Variants in DOCK4 observed in about 807,000 individuals in gnomAD.
The protein encoded by DOCK4 is dedicator of cytokinesis protein 4.
DOCK4 carries 97 observed loss-of-function variants against 268.1 expected under a neutral mutation model. The ratio of observed to expected loss-of-function variants is 0.36; its 90% CI spans 0.31 to 0.43. The LOEUF (loss-of-function observed/expected upper bound fraction) is 0.43. Ranked by LOEUF, DOCK4 falls within the 20% of genes least tolerant of loss-of-function variation. DOCK4 has a pLI of 1.00. For synonymous variants in DOCK4, 954 were observed against 887.2 expected, an observed-to-expected ratio of 1.08 and a Z score of -1.34; for missense variants, 2,145 against 2,455.7, an observed-to-expected ratio of 0.87 and a Z score of 2.67.
chr7:111,872,591 T>C, intron 17 of DOCK4, 27 bp from the exon 18 acceptor site: 1 of 1,544,726 alleles, frequency 6.5e-7, no homozygotes, highest in African/African-American at 1.4e-5. Flanking sequence ...GGAAGATTAA[T>C]TGCCTTAATA....
At chr7:111,776,682 A>G (rs899812643) in intron 36 of DOCK4, among the ~76,000 whole-genome samples, 2 of 152,236 alleles carry the variant, frequency 1.3e-5, no homozygotes, top group African/African-American at 4.8e-5. Context: ...TACAGATCCA[A>G]GAACCTCAGC....
chr7:111,781,517 A>G (rs919254063), intron 35 of DOCK4, among the ~76,000 whole-genome samples: 2 of 152,206 alleles, frequency 1.3e-5, no homozygotes, highest in African/African-American at 2.4e-5. Context: ...CCTGCAGGTT[A>G]CCGTTGGGTC....
intron 1 of DOCK4, among the ~76,000 whole-genome samples, chr7:112,106,589 G>A (rs745333381): frequency 2.0e-5 from 3 of 152,140 alleles, no homozygotes; most frequent in South Asian, 2.1e-4. Flanking sequence ...TGCATTCCTC[G>A]CCTAGCCAAT....
intron 9 of DOCK4, 87 bp downstream of exon 9, chr7:111,945,630 T>C (rs1795558555): frequency 8.6e-7 from 1 of 1,160,660 alleles, no homozygotes; most frequent in Admixed American, 2.5e-5. Flanking sequence ...AAATTCACTA[T>C]GTTCTCTCAC....
At chr7:111,740,320 G>C (rs546117076) in intron 47 of DOCK4, 46 of 220,640 alleles carry the variant, frequency 2.1e-4, no homozygotes, top group Non-Finnish European at 3.5e-4. Flanking sequence ...GGATGGTCTC[G>C]AACTCCAGAT....
intron 1 of DOCK4, among the ~76,000 whole-genome samples, chr7:112,113,732 TGA>T (rs1491090304): frequency 8.7e-6 from 1 of 115,466 alleles, no homozygotes; most frequent in Admixed American, 9.9e-5. Flanking sequence ...CATACTTGGC[TGA>T]TTTTTTTTTT....
chr7:111,760,690 GT>G (rs1797334458), intron 39 of DOCK4, among the ~76,000 whole-genome samples: 1 of 151,916 alleles, frequency 6.6e-6, no homozygotes, highest in African/African-American at 2.4e-5. Context: ...TCAAATTCAT[GT>G]GGGTAATTTC....
intron 1 of DOCK4, among the ~76,000 whole-genome samples, chr7:112,150,070 T>C (rs780119954): frequency 1.3e-5 from 2 of 152,180 alleles, no homozygotes; most frequent in African/African-American, 2.4e-5. Flanking sequence ...AAAGAAAATA[T>C]AGGCTTAGAG....
At chr7:111,976,161 A>AAAAATATATATATATATATATAT (rs1554400643) in intron 8 of DOCK4, among the ~76,000 whole-genome samples, 2 of 34,014 alleles carry the variant, frequency 5.9e-5, no homozygotes, top group African/African-American at 3.0e-4. Flanking sequence ...AAAAAAAAAA[A>AAAAATATATATATATATATATAT]ATATATATAT....
intron 23 of DOCK4, among the ~76,000 whole-genome samples, chr7:111,852,514 A>C (rs1353237600): frequency 2.0e-5 from 3 of 152,068 alleles, no homozygotes; most frequent in Non-Finnish European, 2.9e-5. Context: ...GAAAAAAAAA[A>C]AAAAACCCTG....
chr7:111,790,585 T>A lies in DOCK4; in HGVS notation c.3187A>T (p.Ile1063Phe), dbSNP rs1351026781. The change falls in exon 31 of 53, where the codon ATC (isoleucine) becomes TTC (phenylalanine). Residue 1063 changes from isoleucine to phenylalanine, a missense_variant. Around this residue, in one of 2 missense-constraint regions of DOCK4, gnomAD observed 1,598 missense variants for 1,986.7 expected, o/e 0.80. Transcript: ENST00000428084. ...AGGAAGGGGCCAATCAGGGCAGGGA[T>A]AAAATGAAGCTTGTGCTCTCCTAAA... ...QNLGEHKLHF[I>F]PALIGPFLEV... The A allele has an allele frequency of 6.2e-7, 1 of 1,613,238 alleles. No homozygotes were observed. Among genetic ancestry groups the A allele is most frequent in the Admixed American group, 1.7e-5 (1 of 59,874 alleles).
chr7:112,116,888 G>A (rs765033932), intron 1 of DOCK4, among the ~76,000 whole-genome samples: 3 of 151,962 alleles, frequency 2.0e-5, no homozygotes, highest in Non-Finnish European at 4.4e-5. Flanking sequence ...CACTGTACCC[G>A]GCCAGTACAG....
chr7:112,094,230 A>AAT (rs141901410), intron 1 of DOCK4, among the ~76,000 whole-genome samples: 2 of 151,820 alleles, frequency 1.3e-5, no homozygotes, highest in African/African-American at 2.4e-5. Flanking sequence ...GAAAAAAAAA[A>AAT]CTACAATGGT....
rs1791171846 is a variant in DOCK4, at chr7:111,901,789, T to G, written c.1205A>C (p.Asn402Thr). 2 of 1,575,282 alleles carry G rather than the reference T, an allele frequency of 1.3e-6. No individual in the cohort carries two copies. The highest frequency in any genetic ancestry group is 1.7e-6 in the Non-Finnish European group (2 of 1,148,816). The change falls in exon 14 of 53, where the codon AAT (asparagine) becomes ACT (threonine). Residue 402 changes from asparagine (N) to threonine (T), a missense_variant. Transcript: ENST00000428084. ...CCTTTCAATAGTGATATATAAATCATTCCTCATTTCACCTATAAGGAAAGG... is the reference window on the plus strand; with the variant it reads ...CCTTTCAATAGTGATATATAAATCAGTCCTCATTTCACCTATAAGGAAAGG... ...SNIIMPGEMRNDLYITIERGE... is the reference protein window; with the variant it reads ...SNIIMPGEMRTDLYITIERGE...
intron 16 of DOCK4, among the ~76,000 whole-genome samples, chr7:111,894,006 G>A (rs1246421880): frequency 1.3e-5 from 2 of 152,084 alleles, no homozygotes; most frequent in East Asian, 1.9e-4. Context: ...GGCGGATCAC[G>A]AGGTCAGGAG....
chr7:111,752,733 C>T (rs1027726098), intron 42 of DOCK4, among the ~76,000 whole-genome samples: 4 of 151,480 alleles, frequency 2.6e-5, no homozygotes, highest in East Asian at 2.0e-4. Flanking sequence ...ACTACAGGTG[C>T]GTGCCACCAT....
intron 1 of DOCK4, among the ~76,000 whole-genome samples, chr7:112,091,259 A>G (rs73210933): frequency 0.028 from 4,200 of 152,228 alleles, 143 homozygotes; most frequent in East Asian, 0.07. Flanking sequence ...TCCCCTTAAG[A>G]AGAAAGAGAG....
intron 1 of DOCK4, among the ~76,000 whole-genome samples, chr7:112,166,039 T>G (rs2116550918): frequency 6.6e-6 from 1 of 152,290 alleles, no homozygotes; most frequent in Admixed American, 6.5e-5. Context: ...GTCACATCTT[T>G]TCTCATCTTC....
intron 8 of DOCK4, among the ~76,000 whole-genome samples, chr7:111,965,641 G>C (rs1201136789): frequency 2.0e-5 from 1 of 50,320 alleles, no homozygotes; most frequent in African/African-American, 1.7e-4. Flanking sequence ...ACATTAGACA[G>C]ATCAACAAGA....
Sources: gnomAD v4.1 joint callset for allele counts (sites outside exome capture counted in the v4.1 genomes callset) on GRCh38, gnomAD v4.1.1 for gene constraint, gnomAD v4.1.1 regional missense constraint, MANE v1.5 for transcripts, NCBI Gene and HGNC (gene_info 2026-07-23, HGNC 2026-07-21) for gene names.